The following CADPS2 variants were observed in gnomAD, a reference collection of about 807,000 sequenced individuals.
CADPS2 encodes calcium dependent secretion activator 2, also known as calcium-dependent secretion activator 2.
Under a neutral mutation model 172.5 loss-of-function variants are expected in CADPS2, and 93 were observed. That is an observed-to-expected ratio of 0.54 (90% CI 0.46 to 0.64). The LOEUF (loss-of-function observed/expected upper bound fraction) is 0.64, where lower values mean the gene tolerates loss of function less well. Ranked by LOEUF, CADPS2 falls within the 30% of genes least tolerant of loss-of-function variation. The pLI is 0.00. For missense variants in CADPS2, 1,420 were observed against 1,565.9 expected, an observed-to-expected ratio of 0.91 and a Z score of 1.57; for synonymous variants, 546 against 555.2, an observed-to-expected ratio of 0.98 and a Z score of 0.23.
intron 5 of CADPS2, among the ~76,000 whole-genome samples, chr7:122,619,748 A>G (rs898651875): frequency 2.0e-5 from 3 of 152,230 alleles, no homozygotes; most frequent in Admixed American, 2.0e-4. Flanking sequence ...TATTTCACTC[A>G]GCAGGAGATC....
chr7:122,790,770 T>C (rs1187703065), intron 1 of CADPS2, among the ~76,000 whole-genome samples: 4 of 152,166 alleles, frequency 2.6e-5, no homozygotes. Context: ...GATACTGCAA[T>C]GCATGACTAG....
At chr7:122,775,672 T>C (rs1428022759) in intron 1 of CADPS2, among the ~76,000 whole-genome samples, 5 of 152,180 alleles carry the variant, frequency 3.3e-5, no homozygotes, top group Non-Finnish European at 7.4e-5. Context: ...ATTAACACTA[T>C]AAATGATATC....
chr7:122,754,602 G>C (rs957242570), intron 1 of CADPS2, among the ~76,000 whole-genome samples: 1 of 152,010 alleles, frequency 6.6e-6, no homozygotes, highest in African/African-American at 2.4e-5. Flanking sequence ...TCAGCCTCCT[G>C]AGTAGCTGGG....
intron 8 of CADPS2, among the ~76,000 whole-genome samples, chr7:122,517,679 G>A (rs572332944): frequency 2.8e-4 from 42 of 152,006 alleles, no homozygotes; most frequent in Non-Finnish European, 4.6e-4. Flanking sequence ...ATTATCTTGA[G>A]TACAGTGGAG....
intron 1 of CADPS2, among the ~76,000 whole-genome samples, chr7:122,829,289 C>G (rs1481921284): frequency 6.6e-6 from 1 of 152,104 alleles, no homozygotes; most frequent in Non-Finnish European, 1.5e-5. Flanking sequence ...ACTACTGGCA[C>G]TAATAAATTC....
chr7:122,740,401 A>C (rs1367736048), intron 1 of CADPS2, among the ~76,000 whole-genome samples: 1 of 152,176 alleles, frequency 6.6e-6, no homozygotes, highest in Non-Finnish European at 1.5e-5. Context: ...CCATGGAAAG[A>C]CATGGAGGAA....
At chr7:122,518,828 G>C (rs1243809444) in intron 8 of CADPS2, among the ~76,000 whole-genome samples, 1 of 152,024 alleles carries the variant, frequency 6.6e-6, no homozygotes, top group African/African-American at 2.4e-5. Flanking sequence ...CACAGCATGA[G>C]AGAAGCATTT....
At chr7:122,625,325 T>A (rs573748238) in intron 4 of CADPS2, among the ~76,000 whole-genome samples, 8 of 152,154 alleles carry the variant, frequency 5.3e-5, no homozygotes, top group South Asian at 2.1e-4. Flanking sequence ...GCTGGGATTA[T>A]AGGCATGAGC....
intron 2 of CADPS2, among the ~76,000 whole-genome samples, chr7:122,707,251 G>A (rs1474683434): frequency 6.6e-6 from 1 of 151,924 alleles, no homozygotes; most frequent in East Asian, 1.9e-4. Flanking sequence ...ACCTTAAGGA[G>A]GGCATCATCT....
chr7:122,711,355 G>A (rs1457444781), intron 2 of CADPS2, among the ~76,000 whole-genome samples: 1 of 151,904 alleles, frequency 6.6e-6, no homozygotes, highest in East Asian at 1.9e-4. Flanking sequence ...TATCTCTCAA[G>A]ATATTTAAAT....
intron 1 of CADPS2, among the ~76,000 whole-genome samples, chr7:122,772,936 A>G (rs902438872): frequency 1.3e-5 from 2 of 152,118 alleles, no homozygotes; most frequent in Non-Finnish European, 2.9e-5. Flanking sequence ...AAATAGACAA[A>G]ATTTCTGTTT....
chr7:122,644,807 C>T (rs1208244480), intron 3 of CADPS2, among the ~76,000 whole-genome samples: 2 of 152,108 alleles, frequency 1.3e-5, no homozygotes, highest in African/African-American at 4.8e-5. Context: ...AACACATTCC[C>T]TGTGTGAAGT....
intron 14 of CADPS2, among the ~76,000 whole-genome samples, chr7:122,465,421 C>T (rs75154494): frequency 0.022 from 3,396 of 152,248 alleles, 130 homozygotes; most frequent in African/African-American, 0.078. Context: ...GGACTGGTAC[C>T]AATCCATGGC....
intron 1 of CADPS2, among the ~76,000 whole-genome samples, chr7:122,856,661 A>C (rs889317503): frequency 6.6e-6 from 1 of 152,208 alleles, no homozygotes; most frequent in Admixed American, 6.5e-5. Context: ...CCAAGTGTAC[A>C]TTTTAACTGA....
chr7:122,598,025 T>C (rs2072138307), intron 6 of CADPS2, among the ~76,000 whole-genome samples: 2 of 152,132 alleles, frequency 1.3e-5, no homozygotes, highest in Admixed American at 6.6e-5. Flanking sequence ...AGATGACATT[T>C]TGTTGCCTAG....
Position 122,492,247 on chromosome 7 carries a change from G to A in CADPS2, c.1543-827C>T, listed in dbSNP as rs1214518819. On this transcript the variant is annotated intron_variant, in intron 9 of 29. Transcript: ENST00000449022. ...ATTAAAATAAATCTCACTAAAAGTT[G>A]AGAATTTAGTGGCCACATAATGAAA... Among the ~76,000 whole-genome samples the A allele has an allele frequency of 2.0e-5, 3 of 152,018 alleles. No individual in the cohort carries two copies. In the East Asian group the frequency reaches 5.8e-4, roughly 29 times the overall value.
intron 2 of CADPS2, among the ~76,000 whole-genome samples, chr7:122,674,474 TAATCTACTC>T (rs2082199295): frequency 6.6e-6 from 1 of 152,236 alleles, no homozygotes; most frequent in Non-Finnish European, 1.5e-5. Context: ...CTCTTCCCAT[TAATCTACTC>T]AGCTTATATA....
At chr7:122,690,531 G>C (rs1214029782) in intron 2 of CADPS2, among the ~76,000 whole-genome samples, 15 of 152,164 alleles carry the variant, frequency 9.9e-5, no homozygotes, top group Admixed American at 9.2e-4. Context: ...GGGCTTGGAG[G>C]GTCCATGGCT....
At chr7:122,483,435 T>C (rs945127085) in intron 11 of CADPS2, among the ~76,000 whole-genome samples, 1 of 151,950 alleles carries the variant, frequency 6.6e-6, no homozygotes, top group African/African-American at 2.4e-5. Flanking sequence ...CTAAAAGTAT[T>C]CATTACCAGC....
Sources: allele counts gnomAD v4.1 joint callset (sites outside exome capture counted in the v4.1 genomes callset), GRCh38; gene constraint gnomAD v4.1.1; transcripts MANE v1.5; gene names NCBI Gene and HGNC (gene_info 2026-07-23, HGNC 2026-07-21).